Variants in PDZD2 observed in about 807,000 individuals in gnomAD.
PDZD2 encodes PDZ domain containing 2.
A neutral mutation model predicts 220.7 loss-of-function variants in PDZD2; 90 were observed. The observed-to-expected ratio is 0.41, with a 90% CI of 0.34 to 0.49. The LOEUF is 0.49. Among genes scored for constraint, PDZD2 ranks in the 20% least tolerant of loss-of-function variants. The pLI is 0.28. For missense variants in PDZD2, 3,174 were observed against 3,608.5 expected (o/e 0.88, Z 3.08); for synonymous variants, 1,375 against 1,450.5 (o/e 0.95, Z 1.18).
intron 19 of PDZD2, among the ~76,000 whole-genome samples, chr5:32,079,280 CAAAAAAAAAAA>C (rs1321874066): frequency 3.3e-5 from 4 of 121,388 alleles, no homozygotes; most frequent in South Asian, 2.6e-4. Context: ...AAAAAAAAAA[CAAAAAAAAAAA>C]AGGAAATCTG....
intron 1 of PDZD2, among the ~76,000 whole-genome samples, chr5:31,736,199 TAAAAAAG>T: frequency 6.6e-6 from 1 of 152,284 alleles, no homozygotes; most frequent in Middle Eastern, 3.4e-3. Context: ...TCAGTAAACA[TAAAAAAG>T]AATATCATTA....
chr5:32,002,637 A>AAC (rs796276640), intron 5 of PDZD2, among the ~76,000 whole-genome samples: 114,904 of 125,844 alleles, frequency 0.91, 52,652 homozygotes, highest in Non-Finnish European at 0.95. Flanking sequence ...ACACACCACC[A>AAC]ACACACACAC....
rs764855194 is a variant in PDZD2, at chr5:32,087,671, G to A, written c.4223G>A (p.Gly1408Asp). 6.2e-7 allele frequency: 1 copy of A among 1,614,182 alleles called. No homozygotes were observed. Among genetic ancestry groups the A allele is most frequent in the Admixed American group, 1.7e-5 (1 of 60,032 alleles). ...ACTGACAACACCAAAGAAGCATGTG[G>A]CCATGTCTCGGGGCACTGCTGCCCA... ...PSTDNTKEAC[G>D]HVSGHCCPGG... is the part of the protein sequence containing the mutation. The change falls in exon 20 of 25, where the codon GGC becomes GAC. Residue 1408 changes from glycine to aspartate, a missense_variant. Physicochemically the swap from Gly to Asp is moderately conservative, Grantham distance 94 (BLOSUM62 -1). Around this residue, in one of 4 missense-constraint regions of PDZD2, gnomAD observed 1,861 missense variants for 2,001.0 expected, o/e 0.93. Coordinates refer to ENST00000438447, the MANE Select transcript of PDZD2 (RefSeq NM_178140.4). The surrounding 1 kb of genome is among the most constrained non-coding windows in gnomAD (Gnocchi z 4.0).
chr5:32,080,544 A>G lies in PDZD2; in HGVS notation c.3682+2938A>G, dbSNP rs540838741. Among the ~76,000 whole-genome samples the G allele has an allele frequency of 2.6e-5, 4 of 152,240 alleles. No homozygotes were observed. The South Asian group carries it at 8.3e-4, about 32-fold the overall frequency. On this transcript the variant is annotated intron_variant, in intron 19 of 24. Coordinates refer to ENST00000438447, the MANE Select transcript of PDZD2 (RefSeq NM_178140.4). ...TCTTGGAATCCAGATTTGCTTTGGAATAGAAGAGGGACAGCAAAGGGTTGG... is the reference window on the plus strand; with the variant it reads ...TCTTGGAATCCAGATTTGCTTTGGAGTAGAAGAGGGACAGCAAAGGGTTGG...
rs138419549 is a variant in PDZD2 at position 31,948,833 on chromosome 5, T to C, written c.477-34322T>C. 5.7e-3 allele frequency among the ~76,000 whole-genome samples: 875 copies of C among 152,210 alleles called. 4 individuals carry two copies. The highest frequency in any genetic ancestry group is 0.02 in the African/African-American group (840 of 41,518). The stretch of plus-strand genomic sequence containing the variant: ...ATTGTTTTAGGCTGGGTGTGGTGGC[T>C]CATGCCTGTAATCCCAGCACTTTGG... On this transcript the variant is annotated intron_variant, in intron 2 of 24. Coordinates refer to ENST00000438447, the MANE Select transcript of PDZD2 (RefSeq NM_178140.4).
At chr5:32,033,689 G>A (rs546061212) in intron 6 of PDZD2, among the ~76,000 whole-genome samples, 3 of 151,326 alleles carry the variant, frequency 2.0e-5, no homozygotes, top group South Asian at 2.1e-4. Flanking sequence ...GCGCGATCTC[G>A]GCTCACTGCA....
chr5:31,820,521 A>G (rs970266338), intron 2 of PDZD2: 3 of 152,108 alleles, frequency 2.0e-5, no homozygotes, highest in African/African-American at 7.2e-5. Context: ...GTCAGTGTTA[A>G]CACGGCATTT....
chr5:31,973,686 A>C (rs1749500146), intron 2 of PDZD2, among the ~76,000 whole-genome samples: 1 of 152,136 alleles, frequency 6.6e-6, no homozygotes, highest in African/African-American at 2.4e-5. Context: ...TCTCTTTCTT[A>C]CTCCTCTTAA....
chr5:31,976,052 T>C (rs1395440080), intron 2 of PDZD2, among the ~76,000 whole-genome samples: 2 of 151,960 alleles, frequency 1.3e-5, no homozygotes, highest in Non-Finnish European at 2.9e-5. Context: ...GCCAAAAAAA[T>C]TCCACCTTGA....
At chr5:31,655,227 C>T (rs1435958966) in intron 1 of PDZD2, among the ~76,000 whole-genome samples, 1 of 151,984 alleles carries the variant, frequency 6.6e-6, no homozygotes, top group Non-Finnish European at 1.5e-5. Flanking sequence ...GGCTGGAGTG[C>T]AGTGGCGCAA....
chr5:31,923,514 C>T (rs878968664), intron 2 of PDZD2: 1 of 913,682 alleles, frequency 1.1e-6, no homozygotes, highest in Non-Finnish European at 1.8e-6. Context: ...ACCAACTGTT[C>T]TGAGCCTACT....
intron 5 of PDZD2, among the ~76,000 whole-genome samples, chr5:32,009,040 G>A (rs1404109461): frequency 6.6e-6 from 1 of 152,032 alleles, no homozygotes; most frequent in Non-Finnish European, 1.5e-5. Context: ...TGGGGCAGAA[G>A]CAGCTCTAAA....
At chr5:32,041,808 C>G (rs985624857) in intron 7 of PDZD2, among the ~76,000 whole-genome samples, 9 of 151,470 alleles carry the variant, frequency 5.9e-5, no homozygotes, top group Admixed American at 2.6e-4. Flanking sequence ...GCCACATCCC[C>G]CTCTCCGAGA....
intron 2 of PDZD2, among the ~76,000 whole-genome samples, chr5:31,871,438 A>G (rs1298448768): frequency 6.6e-6 from 1 of 152,050 alleles, no homozygotes; most frequent in Non-Finnish European, 1.5e-5. Context: ...CCATACCTTC[A>G]TTCTCGTTTC....
rs543813316 is a variant in PDZD2 at position 32,110,377 on chromosome 5, C to CAACA, written c.*2247_*2250dup. On this transcript the variant is annotated 3_prime_UTR_variant, in exon 25 of 25. Transcript: ENST00000438447. ...CATCTTGCCAGAAGGTTTCCCTCGC[C>CAACA]AACAAACAGTTGAAATTTAAGGGAA... 0.01 allele frequency: 1,530 copies of CAACA among 152,726 alleles called. 16 individuals are homozygous for CAACA. The highest frequency in any genetic ancestry group is 0.018 in the South Asian group (85 of 4,828). The allele number at this position is 152,726 out of a possible 1,614,324, so 9.5% of individuals were successfully genotyped here.
chr5:32,040,554 C>T (rs891346601), intron 7 of PDZD2, among the ~76,000 whole-genome samples: 2 of 144,668 alleles, frequency 1.4e-5, no homozygotes, highest in African/African-American at 2.6e-5. Flanking sequence ...CCCGGCTGCC[C>T]CGTCTGGGAG....
chr5:31,816,361 C>A (rs908458631), intron 2 of PDZD2, among the ~76,000 whole-genome samples: 1 of 151,656 alleles, frequency 6.6e-6, no homozygotes, highest in East Asian at 1.9e-4. Context: ...AGGACCTTAT[C>A]TCTGAAGCCA....
At chr5:31,673,843 C>T (rs1204745875) in intron 1 of PDZD2, among the ~76,000 whole-genome samples, 1 of 152,084 alleles carries the variant, frequency 6.6e-6, no homozygotes, top group Middle Eastern at 3.2e-3. Context: ...TGGTGGTGCA[C>T]ACCTGTAATC....
At chr5:31,987,256 T>G (rs1267320271) in intron 3 of PDZD2, among the ~76,000 whole-genome samples, 1 of 152,220 alleles carries the variant, frequency 6.6e-6, no homozygotes, top group Non-Finnish European at 1.5e-5. Flanking sequence ...GACAAGTTTA[T>G]TCATGACTGG....
Sources: gnomAD v4.1 joint callset for allele counts (sites outside exome capture counted in the v4.1 genomes callset) on GRCh38, gnomAD v4.1.1 for gene constraint, gnomAD v4.1.1 regional missense constraint, Gnocchi (gnomAD v3.1) non-coding constraint, MANE v1.5 for transcripts, NCBI Gene and HGNC (gene_info 2026-07-23, HGNC 2026-07-21) for gene names.